RARS1: variants seen among roughly 807,000 people sequenced by gnomAD.
RARS1 encodes the protein arginyl-tRNA synthetase 1.
A neutral mutation model predicts 78.7 loss-of-function variants in RARS1; 75 were observed. The observed-to-expected ratio is 0.95, with a 90% CI of 0.79 to 1.15. RARS1 has a LOEUF of 1.15. Among genes scored for constraint, RARS1 ranks in the 50% most tolerant of loss-of-function variants. The probability of loss-of-function intolerance (pLI) is 0.00; values close to 1 mark genes in which losing one functional copy is unlikely to be tolerated. For synonymous variants in RARS1, 273 were observed against 268.2 expected (o/e 1.02, Z -0.18); for missense variants, 787 against 787.5 (o/e 1.00, Z 0.01).
intron 12 of RARS1, among the ~76,000 whole-genome samples, chr5:168,515,888 G>C (rs1211331355): frequency 6.6e-6 from 1 of 152,180 alleles, no homozygotes; most frequent in Non-Finnish European, 1.5e-5. Flanking sequence ...ACATTTGAAA[G>C]AAATGTGTTC....
intron 6 of RARS1, among the ~76,000 whole-genome samples, chr5:168,496,261 C>T (rs1758183186): frequency 6.6e-6 from 1 of 151,302 alleles, no homozygotes; most frequent in South Asian, 2.1e-4. Flanking sequence ...CACCTGTAAT[C>T]CCACCTACTT....
Position 168,502,089 on chromosome 5 carries a change from G to C in RARS1, c.1041G>C (p.Lys347Asn). 6.3e-7 allele frequency: 1 copy of C among 1,599,770 alleles called. No homozygotes were observed. The change falls in exon 9 of 15, where the codon AAG becomes AAC. Residue 347 changes from lysine (K) to asparagine (N), a missense_variant. Transcript: ENST00000231572. ...AAGATAGGATGAATGATATTGTAAA[G>C]GAATTTGAAGATAGAGGTAGGCACT... is the stretch of plus-strand genomic sequence containing the variant. ...FYQDRMNDIV[K>N]EFEDRGFVQV... is the part of the protein sequence containing the mutation.
intron 2 of RARS1, among the ~76,000 whole-genome samples, chr5:168,490,193 T>TTCTAG (rs1215487149): frequency 6.6e-6 from 1 of 152,246 alleles, no homozygotes; most frequent in Non-Finnish European, 1.5e-5. Context: ...TCTTTGAGTC[T>TTCTAG]TCTAGAATCA....
chr5:168,501,918 T>G (rs1758333154), intron 8 of RARS1, 83 bp from the exon 9 acceptor site: 2 of 1,504,848 alleles, frequency 1.3e-6, no homozygotes, highest in Non-Finnish European at 1.8e-6. Context: ...ATTAATAAAT[T>G]TATTTCAATG....
At chr5:168,506,929 C>A in intron 11 of RARS1, 98 bp downstream of exon 11, 4 of 973,856 alleles carry the variant, frequency 4.1e-6, no homozygotes, top group Non-Finnish European at 6.3e-6. Flanking sequence ...TCCACAGTTT[C>A]CTTTAGTCCA....
intron 1 of RARS1, 32 bp from the exon 2 acceptor site, chr5:168,488,570 A>G (rs967835463): frequency 1.3e-6 from 2 of 1,588,528 alleles, no homozygotes; most frequent in Admixed American, 1.9e-5. Context: ...AAGTAAGTTT[A>G]TGGACTGAAA....
At chr5:168,495,502 C>A in intron 6 of RARS1, 66 bp downstream of exon 6, 1 of 1,542,894 alleles carries the variant, frequency 6.5e-7, no homozygotes, top group Non-Finnish European at 8.8e-7. Context: ...TTCTATAGAA[C>A]ATGGAATATC....
intron 1 of RARS1, among the ~76,000 whole-genome samples, chr5:168,487,099 A>G (rs1388670116): frequency 1.3e-5 from 2 of 152,132 alleles, no homozygotes; most frequent in African/African-American, 2.4e-5. Flanking sequence ...GCGGTGGCTC[A>G]TGCCTGTAAT....
intron 9 of RARS1, among the ~76,000 whole-genome samples, chr5:168,505,104 C>A (rs244889): frequency 0.43 from 65,143 of 152,066 alleles, 14,925 homozygotes; most frequent in East Asian, 0.59. Flanking sequence ...GTCTGAGATT[C>A]AAACCTAGCC....
chr5:168,494,021 C>A lies in RARS1; in HGVS notation c.478+19C>A. The A allele has an allele frequency of 6.4e-7, 1 of 1,559,862 alleles. No homozygotes were observed. Among genetic ancestry groups the A allele is most frequent in the Non-Finnish European group, 8.8e-7 (1 of 1,134,526 alleles). On this transcript the variant is annotated intron_variant, in intron 4 of 14. Transcript: ENST00000231572. ...GGTCCTGGTATGACATAATGTTATC[C>A]TTCTTAATAGTTGTATTGAACATGA...
At chr5:168,513,846 G>T (rs963985464) in intron 12 of RARS1, among the ~76,000 whole-genome samples, 5 of 152,028 alleles carry the variant, frequency 3.3e-5, no homozygotes, top group Admixed American at 3.3e-4. Flanking sequence ...GTCTGCTGGG[G>T]TGACAGATTC....
At chr5:168,490,650 C>T (rs879815977) in intron 2 of RARS1, among the ~76,000 whole-genome samples, 5 of 152,172 alleles carry the variant, frequency 3.3e-5, no homozygotes, top group Admixed American at 6.5e-5. Flanking sequence ...TTCACCCTGT[C>T]GTTTTTCCCT....
rs1157613333 is a variant in RARS1 at position 168,486,487 on chromosome 5, G to A, written c.-12G>A. 9 of 1,556,784 alleles carry A rather than the reference G, an allele frequency of 5.8e-6. No individual in the cohort carries two copies. Among genetic ancestry groups the A allele is most frequent in the Middle Eastern group, 3.3e-4 (2 of 5,992 alleles). ...CTTCCGTCCACTTGGCGAGTGAGAC[G>A]CTGATGGGAGGATGGACGTACTGGT... On this transcript the variant is annotated 5_prime_UTR_variant, in exon 1 of 15. Transcript: ENST00000231572.
At chr5:168,499,050 G>A (rs1758261216) in intron 7 of RARS1, among the ~76,000 whole-genome samples, 1 of 152,070 alleles carries the variant, frequency 6.6e-6, no homozygotes, top group African/African-American at 2.4e-5. Flanking sequence ...GGGTGCAGTG[G>A]CTCATGCCTG....
chr5:168,495,309 C>T lies in RARS1; in HGVS notation c.580-6C>T. 2 of 1,612,788 alleles carry T rather than the reference C, an allele frequency of 1.2e-6. No individual in the cohort carries two copies. On this transcript the variant is annotated splice_polypyrimidine_tract_variant and splice_region_variant and intron_variant, in intron 5 of 14. Coordinates refer to ENST00000231572, the MANE Select transcript of RARS1 (RefSeq NM_002887.4). Reference sequence around the variant, plus strand: ...TTAACAGCCTTTCTCTTTTTGTCTACCCCAGGTTATAGTTGACTTTTCCTC... The same window carrying T: ...TTAACAGCCTTTCTCTTTTTGTCTATCCCAGGTTATAGTTGACTTTTCCTC...
Position 168,497,363 on chromosome 5 carries a change from CT to C in RARS1, c.822+19del. On this transcript the variant is annotated intron_variant, in intron 7 of 14. Coordinates refer to ENST00000231572, the MANE Select transcript of RARS1 (RefSeq NM_002887.4). The stretch of plus-strand genomic sequence containing the variant: ...TCTTTTATAAGGTTTGATACCATTT[CT>C]TTTATATTATGTGTGTGTTTACCAT... 1 of 1,527,392 alleles carries C rather than the reference CT, an allele frequency of 6.5e-7. No individual in the cohort carries two copies. The highest frequency in any genetic ancestry group is 8.8e-7 in the Non-Finnish European group (1 of 1,132,224). 94.6% of individuals were successfully genotyped at this position (1,527,392 alleles called of 1,614,324 possible).
chr5:168,502,382 ATATT>A (rs1758346629), intron 9 of RARS1, among the ~76,000 whole-genome samples: 1 of 119,404 alleles, frequency 8.4e-6, no homozygotes, highest in Non-Finnish European at 1.6e-5. Context: ...ATATATATAT[ATATT>A]TTTTTTTTTT....
rs369843960 is a variant in RARS1, at chr5:168,508,940, G to A, written c.1347-1641G>A. On this transcript the variant is annotated intron_variant, in intron 11 of 14. Coordinates refer to ENST00000231572, the MANE Select transcript of RARS1 (RefSeq NM_002887.4). Reference sequence around the variant, plus strand: ...GGAGCTTGTGAAAATACACATGCAAGCCCCACTGTGGGAGTTACTGACTTA... The same window carrying A: ...GGAGCTTGTGAAAATACACATGCAAACCCCACTGTGGGAGTTACTGACTTA... Among the ~76,000 whole-genome samples the A allele has an allele frequency of 1.4e-4, 22 of 152,154 alleles. No homozygotes were observed. In the East Asian group the frequency reaches 3.7e-3, roughly 25 times the overall value.
chr5:168,514,392 T>C (rs1758624253), intron 12 of RARS1, among the ~76,000 whole-genome samples: 1 of 152,194 alleles, frequency 6.6e-6, no homozygotes, highest in African/African-American at 2.4e-5. Context: ...CTAATTCATT[T>C]TTTTCTTTTT....
Sources: gnomAD v4.1 joint callset for allele counts (sites outside exome capture counted in the v4.1 genomes callset) on GRCh38, gnomAD v4.1.1 for gene constraint, MANE v1.5 for transcripts, NCBI Gene and HGNC (gene_info 2026-07-23, HGNC 2026-07-21) for gene names.